The following NELL1 variants were observed in gnomAD, a reference collection of about 807,000 sequenced individuals.
NELL1 encodes the protein protein kinase C-binding protein NELL1.
A neutral mutation model predicts 107.4 loss-of-function variants in NELL1; 76 were observed. The observed-to-expected ratio is 0.71, with a 90% confidence interval of 0.59 to 0.86. The LOEUF is 0.86. Among genes scored for constraint, NELL1 ranks in the 40% least tolerant of loss-of-function variants. The probability of loss-of-function intolerance (pLI) is 0.00; values close to 1 mark genes in which losing one functional copy is unlikely to be tolerated. For synonymous variants in NELL1, 353 were observed against 341.2 expected (o/e 1.03, Z -0.38); for missense variants, 1,024 against 1,005.5 (o/e 1.02, Z -0.25).
intron 15 of NELL1, among the ~76,000 whole-genome samples, chr11:21,454,190 G>A (rs1853663167): frequency 1.4e-5 from 2 of 145,014 alleles, no homozygotes; most frequent in South Asian, 4.5e-4. Flanking sequence ...TTGGTTTTTT[G>A]TTCTTGCGAT....
At chr11:21,365,337 G>C (rs1475724095) in intron 14 of NELL1, among the ~76,000 whole-genome samples, 1 of 152,146 alleles carries the variant, frequency 6.6e-6, no homozygotes, top group Non-Finnish European at 1.5e-5. Context: ...AAGACTCTGG[G>C]CTTGAAACCC....
intron 15 of NELL1, among the ~76,000 whole-genome samples, chr11:21,472,981 T>G (rs1050533285): frequency 6.6e-6 from 1 of 152,028 alleles, no homozygotes; most frequent in African/African-American, 2.4e-5. Flanking sequence ...TAATCATACC[T>G]AGTCTCTACC....
intron 16 of NELL1, among the ~76,000 whole-genome samples, chr11:21,535,095 C>T (rs977398957): frequency 3.9e-5 from 6 of 152,046 alleles, no homozygotes; most frequent in Admixed American, 2.6e-4. Context: ...TTGCTATTAC[C>T]GCCACCATCA....
intron 2 of NELL1, among the ~76,000 whole-genome samples, chr11:20,768,780 G>T (rs1856584308): frequency 6.6e-6 from 1 of 152,162 alleles, no homozygotes; most frequent in East Asian, 1.9e-4. Flanking sequence ...GCTGAAAAAG[G>T]CAAGGAAACA....
chr11:21,034,827 CAG>C (rs1052382706), intron 12 of NELL1, among the ~76,000 whole-genome samples: 5 of 152,034 alleles, frequency 3.3e-5, no homozygotes, highest in Admixed American at 6.6e-5. Flanking sequence ...TCACAACAAA[CAG>C]AACCAGAGAA....
chr11:21,418,463 T>C (rs1431910340), intron 15 of NELL1, among the ~76,000 whole-genome samples: 4 of 152,162 alleles, frequency 2.6e-5, no homozygotes, highest in African/African-American at 9.6e-5. Context: ...TTAAAATAAA[T>C]AAATCAAAAT....
chr11:21,552,015 T>C (rs897011709), intron 16 of NELL1, among the ~76,000 whole-genome samples: 3 of 147,080 alleles, frequency 2.0e-5, no homozygotes, highest in African/African-American at 7.5e-5. Flanking sequence ...GAAATCATCA[T>C]TCTCAGTAAA....
At chr11:20,971,461 T>G (rs1282718168) in intron 12 of NELL1, among the ~76,000 whole-genome samples, 1 of 152,184 alleles carries the variant, frequency 6.6e-6, no homozygotes, top group Non-Finnish European at 1.5e-5. Flanking sequence ...TTTTGGTTAT[T>G]TAAAAATAAT....
chr11:21,547,989 C>A (rs992354065), intron 16 of NELL1, among the ~76,000 whole-genome samples: 7 of 151,914 alleles, frequency 4.6e-5, no homozygotes. Flanking sequence ...CCTAAATATA[C>A]AATCATGGCG....
intron 15 of NELL1, among the ~76,000 whole-genome samples, chr11:21,443,937 A>G (rs967345971): frequency 2.2e-4 from 34 of 152,136 alleles, no homozygotes; most frequent in African/African-American, 8.2e-4. Context: ...TTATAAAACA[A>G]TAAGATACTA....
intron 1 of NELL1, among the ~76,000 whole-genome samples, chr11:20,677,356 G>C (rs1854083915): frequency 6.6e-6 from 1 of 152,102 alleles, no homozygotes. Flanking sequence ...CTCTGAGGCA[G>C]GTGGATCAGG....
At chr11:21,164,327 G>A (rs75199219) in intron 13 of NELL1, among the ~76,000 whole-genome samples, 1,981 of 152,268 alleles carry the variant, frequency 0.013, 42 homozygotes, top group African/African-American at 0.045. Flanking sequence ...TGAAATTTAA[G>A]AGGATAAGAT....
chr11:20,740,507 A>C (rs1202747750), intron 2 of NELL1, among the ~76,000 whole-genome samples: 1 of 152,178 alleles, frequency 6.6e-6, no homozygotes, highest in East Asian at 1.9e-4. Context: ...GGGCACTGCA[A>C]CTTCCATGGT....
At chr11:21,177,008 C>T (rs1020889282) in intron 13 of NELL1, among the ~76,000 whole-genome samples, 8 of 151,540 alleles carry the variant, frequency 5.3e-5, no homozygotes, top group African/African-American at 2.0e-4. Context: ...TTGTGGATTA[C>T]AATGATGTCT....
chr11:20,832,237 C>T (rs1336885775), intron 3 of NELL1, among the ~76,000 whole-genome samples: 8 of 152,208 alleles, frequency 5.3e-5, no homozygotes, highest in African/African-American at 1.9e-4. Flanking sequence ...AGTGACCGTA[C>T]ACTTTTATGA....
chr11:21,290,793 C>T (rs759900847), intron 14 of NELL1, among the ~76,000 whole-genome samples: 1 of 152,136 alleles, frequency 6.6e-6, no homozygotes, highest in Non-Finnish European at 1.5e-5. Context: ...GGAATAGCAT[C>T]AACATCAACA....
intron 2 of NELL1, among the ~76,000 whole-genome samples, chr11:20,778,946 T>C (rs1856803544): frequency 6.6e-6 from 1 of 152,148 alleles, no homozygotes; most frequent in Admixed American, 6.5e-5. Context: ...ATTGCTCATA[T>C]ATTCTGTTTT....
intron 1 of NELL1, among the ~76,000 whole-genome samples, chr11:20,676,967 T>C (rs955655886): frequency 1.3e-5 from 2 of 152,168 alleles, no homozygotes; most frequent in Non-Finnish European, 2.9e-5. Flanking sequence ...TTAATACATA[T>C]AGTTGGAAAT....
intron 12 of NELL1, among the ~76,000 whole-genome samples, chr11:20,967,339 T>G (rs536130704): frequency 6.6e-6 from 1 of 152,292 alleles, no homozygotes; most frequent in South Asian, 2.1e-4. Flanking sequence ...GGTAACTTTT[T>G]TTTTTTACAT....
Sources: allele counts gnomAD v4.1 joint callset (sites outside exome capture counted in the v4.1 genomes callset), GRCh38; gene constraint gnomAD v4.1.1; transcripts MANE v1.5; gene names NCBI Gene and HGNC (gene_info 2026-07-23, HGNC 2026-07-21).